The following DYNC1LI1 variants were observed in gnomAD, a reference collection of about 807,000 sequenced individuals.
DYNC1LI1 encodes the protein dynein cytoplasmic 1 light intermediate chain 1.
A neutral mutation model predicts 63.8 loss-of-function variants in DYNC1LI1; 19 were observed. The ratio of observed to expected loss-of-function variants is 0.30; its 90% CI spans 0.21 to 0.44. The LOEUF (loss-of-function observed/expected upper bound fraction) is 0.44. DYNC1LI1 is among the 20% of genes least tolerant of loss of function. DYNC1LI1 has a pLI of 1.00. For synonymous variants in DYNC1LI1, 225 were observed against 232.3 expected, an observed-to-expected ratio of 0.97 and a Z score of 0.28; for missense variants, 565 against 630.2, an observed-to-expected ratio of 0.90 and a Z score of 1.11.
chr3:32,570,047 C>T, intron 2 of DYNC1LI1: 1 of 525,262 alleles, frequency 1.9e-6, no homozygotes, highest in African/African-American at 2.0e-5. Context: ...AAACCCCAGG[C>T]CACGAGAATC....
chr3:32,568,799 T>C (rs1270263557), intron 2 of DYNC1LI1, among the ~76,000 whole-genome samples: 6 of 152,224 alleles, frequency 3.9e-5, no homozygotes, highest in Non-Finnish European at 1.5e-5. Context: ...TGTTTCCAAA[T>C]ATTTAATTAA....
At chr3:32,558,175 G>A (rs989183130) in intron 2 of DYNC1LI1, among the ~76,000 whole-genome samples, 9 of 152,086 alleles carry the variant, frequency 5.9e-5, no homozygotes, top group Non-Finnish European at 7.4e-5. Flanking sequence ...TGAGGCTGTA[G>A]TGAGCTGTGA....
intron 2 of DYNC1LI1, among the ~76,000 whole-genome samples, chr3:32,559,926 G>A (rs1698167140): frequency 6.6e-6 from 1 of 152,164 alleles, no homozygotes; most frequent in Admixed American, 6.5e-5. Flanking sequence ...GTTATCTGGA[G>A]GACCCAGGTA....
intron 2 of DYNC1LI1, among the ~76,000 whole-genome samples, chr3:32,553,186 T>C (rs750161746): frequency 6.6e-6 from 1 of 151,832 alleles, no homozygotes; most frequent in Non-Finnish European, 1.5e-5. Context: ...AATAGAAAAA[T>C]TGGCCAGGTG....
chr3:32,544,510 C>T (rs142089797), intron 4 of DYNC1LI1, among the ~76,000 whole-genome samples: 263 of 152,280 alleles, frequency 1.7e-3, no homozygotes, highest in African/African-American at 6.0e-3. Flanking sequence ...TGGCTCACGC[C>T]TGTAATCCCA....
At chr3:32,559,003 C>A (rs1326803147) in intron 2 of DYNC1LI1, among the ~76,000 whole-genome samples, 2 of 151,866 alleles carry the variant, frequency 1.3e-5, no homozygotes. Context: ...TAAGATCAGA[C>A]CATCTCTATA....
chr3:32,541,070 G>A lies in DYNC1LI1; in HGVS notation c.705C>T (p.Asn235=). ...AAACTACTAGTACTGGAATGCCCAAGTTATGTGTAAGTGTATCCGCACCCA... is the reference window on the plus strand; with the variant it reads ...AAACTACTAGTACTGGAATGCCCAAATTATGTGTAAGTGTATCCGCACCCA... The part of the protein sequence containing the change: ...LPLGADTLTH[N]LGIPVLVVCT... The change falls in exon 5 of 13, where the codon AAC becomes AAT. Residue 235 remains asparagine (N), a synonymous_variant. Coordinates refer to ENST00000273130, the MANE Select transcript of DYNC1LI1 (RefSeq NM_016141.4). 1 of 1,612,506 alleles carries A rather than the reference G, an allele frequency of 6.2e-7. No individual in the cohort carries two copies. Among genetic ancestry groups the A allele is most frequent in the Non-Finnish European group, 8.5e-7 (1 of 1,179,266 alleles).
At chr3:32,560,937 G>A (rs1340958910) in intron 2 of DYNC1LI1, among the ~76,000 whole-genome samples, 1 of 137,574 alleles carries the variant, frequency 7.3e-6, no homozygotes, top group Non-Finnish European at 1.5e-5. Context: ...GGGAGGTGGA[G>A]GTTGCAGTGA....
rs1022202953 is a variant in DYNC1LI1 at position 32,537,190 on chromosome 3, G to C, written c.739-86C>G. On this transcript the variant is annotated intron_variant, in intron 5 of 12. Coordinates refer to ENST00000273130, the MANE Select transcript of DYNC1LI1 (RefSeq NM_016141.4). Reference sequence around the variant, plus strand: ...TTTAAACAGTTCAATTCTGGATAGGGGAACATCATAAAAGTACCACTCTGA... The same window carrying C: ...TTTAAACAGTTCAATTCTGGATAGGCGAACATCATAAAAGTACCACTCTGA... 4 of 693,202 alleles carry C rather than the reference G, an allele frequency of 5.8e-6. No individual in the cohort carries two copies. In the South Asian group the frequency reaches 1.1e-4, roughly 19 times the overall value. 42.9% of individuals were successfully genotyped at this position (693,202 alleles called of 1,614,324 possible).
intron 2 of DYNC1LI1, among the ~76,000 whole-genome samples, chr3:32,565,902 C>CG (rs1559445854): frequency 6.6e-6 from 1 of 152,168 alleles, no homozygotes; most frequent in African/African-American, 2.4e-5. Flanking sequence ...GCCATGGGGC[C>CG]GGCCTCAGGC....
chr3:32,532,788 T>C, intron 8 of DYNC1LI1, 198 bp downstream of exon 8: 1 of 906,754 alleles, frequency 1.1e-6, no homozygotes, highest in Non-Finnish European at 1.5e-6. Flanking sequence ...AAGATTTAAT[T>C]AGCTGAATAG....
chr3:32,548,733 G>T (rs1239931646), intron 2 of DYNC1LI1, among the ~76,000 whole-genome samples: 1 of 152,120 alleles, frequency 6.6e-6, no homozygotes, highest in Non-Finnish European at 1.5e-5. Context: ...AATGCCAAGA[G>T]ATTAGATTTA....
Position 32,570,419 on chromosome 3 carries a change from C to A in DYNC1LI1, c.147G>T (p.Trp49Cys). ...TGGAGACCTCGCTGAGGATGCAGGACCTAACGGGAAGCAAGGCGTACGGTG... is the reference window on the plus strand; with the variant it reads ...TGGAGACCTCGCTGAGGATGCAGGAACTAACGGGAAGCAAGGCGTACGGTG... The part of the protein sequence containing the change: ...AGDDEDGQNL[W>C]SCILSEVSTR... The change falls in exon 2 of 13, where the codon TGG becomes TGT. Residue 49 changes from tryptophan (W) to cysteine (C), a missense_variant and splice_region_variant. Transcript: ENST00000273130. 2 of 1,599,404 alleles carry A rather than the reference C, an allele frequency of 1.3e-6. No homozygotes were observed. The highest frequency in any genetic ancestry group is 1.7e-6 in the Non-Finnish European group (2 of 1,174,758).
intron 2 of DYNC1LI1, among the ~76,000 whole-genome samples, chr3:32,556,497 C>T (rs1404848184): frequency 1.3e-5 from 2 of 152,192 alleles, no homozygotes; most frequent in Non-Finnish European, 2.9e-5. Flanking sequence ...ATGTACAGAT[C>T]TTTCACCAAC....
At chr3:32,532,413 C>G (rs180787020) in intron 8 of DYNC1LI1, 1 of 148,048 alleles carries the variant, frequency 6.8e-6, no homozygotes, top group Admixed American at 6.9e-5. Flanking sequence ...TTGCAGTGAG[C>G]TGAGATCATG....
chr3:32,541,251 C>A, intron 4 of DYNC1LI1, 45 bp from the exon 5 acceptor site: 1 of 1,330,766 alleles, frequency 7.5e-7, no homozygotes, highest in Non-Finnish European at 1.0e-6. Flanking sequence ...TTCATTTCAG[C>A]AGGTAACTTT....
chr3:32,548,801 T>A (rs1288925050), intron 2 of DYNC1LI1, among the ~76,000 whole-genome samples: 2 of 152,192 alleles, frequency 1.3e-5, no homozygotes, highest in South Asian at 2.1e-4. Flanking sequence ...TTAGCTTGAT[T>A]TAGCCATTCC....
At chr3:32,556,424 C>G (rs1698115729) in intron 2 of DYNC1LI1, among the ~76,000 whole-genome samples, 1 of 152,206 alleles carries the variant, frequency 6.6e-6, no homozygotes, top group Non-Finnish European at 1.5e-5. Context: ...TAACAGTCAG[C>G]AAGACATAAA....
At chr3:32,546,237 G>A (rs1401720879) in intron 2 of DYNC1LI1, among the ~76,000 whole-genome samples, 3 of 151,894 alleles carry the variant, frequency 2.0e-5, no homozygotes, top group South Asian at 4.2e-4. Flanking sequence ...GTGAAACCCC[G>A]TCTCTACTAA....
Sources: gnomAD v4.1 joint callset for allele counts (sites outside exome capture counted in the v4.1 genomes callset) on GRCh38, gnomAD v4.1.1 for gene constraint, MANE v1.5 for transcripts, NCBI Gene and HGNC (gene_info 2026-07-23, HGNC 2026-07-21) for gene names.